Variants in LDLRAD4 observed in about 807,000 individuals in gnomAD.
LDLRAD4 encodes the protein low density lipoprotein receptor class A domain containing 4.
A neutral mutation model predicts 17.0 loss-of-function variants in LDLRAD4; 5 were observed. The ratio of observed to expected loss-of-function variants is 0.29; its 90% CI spans 0.15 to 0.62. The LOEUF is 0.62. LDLRAD4 is among the 20% of genes least tolerant of loss of function. The probability of loss-of-function intolerance (pLI) is 0.84; values close to 1 mark genes in which losing one functional copy is unlikely to be tolerated. For synonymous variants in LDLRAD4, 168 were observed against 171.8 expected (o/e 0.98, Z 0.17); for missense variants, 340 against 424.7 (o/e 0.80, Z 1.75).
At chr18:13,267,233 G>A (rs535013983) in intron 1 of LDLRAD4, among the ~76,000 whole-genome samples, 5 of 151,502 alleles carry the variant, frequency 3.3e-5, no homozygotes, top group Non-Finnish European at 5.9e-5. Context: ...TTTTTTTGCT[G>A]TGCACTTAAA....
chr18:13,276,669 T>C (rs115665586), upstream of LDLRAD4, among the ~76,000 whole-genome samples: 1,325 of 152,338 alleles, frequency 8.7e-3, 21 homozygotes, highest in African/African-American at 0.031. Context: ...GGCCCCATCA[T>C]GAGGTGGCAG....
intron 1 of LDLRAD4, among the ~76,000 whole-genome samples, chr18:13,237,612 G>A (rs935150527): frequency 3.9e-5 from 6 of 152,148 alleles, no homozygotes; most frequent in Non-Finnish European, 8.8e-5. Context: ...TCCTAGCTCG[G>A]TCTCCAAGTA....
chr18:13,349,866 G>A (rs918256686), intron 1 of LDLRAD4, among the ~76,000 whole-genome samples: 4 of 150,986 alleles, frequency 2.6e-5, no homozygotes, highest in Admixed American at 1.3e-4. Flanking sequence ...TCCCACTTAC[G>A]AGTGAGAACA....
intron 1 of LDLRAD4, among the ~76,000 whole-genome samples, chr18:13,344,956 G>T (rs1346851926): frequency 2.0e-5 from 3 of 152,126 alleles, no homozygotes; most frequent in African/African-American, 7.2e-5. Flanking sequence ...TGCTGCAGTT[G>T]CTTATCAGCT....
At chr18:13,643,544 A>G in intron 5 of LDLRAD4, 132 bp downstream of exon 6, 2 of 459,440 alleles carry the variant, frequency 4.4e-6, no homozygotes, top group Non-Finnish European at 7.4e-6. Flanking sequence ...GGAGGAAGGC[A>G]TTGCCTAGAA....
intron 1 of LDLRAD4, among the ~76,000 whole-genome samples, chr18:13,226,148 G>A (rs2041775062): frequency 7.6e-6 from 1 of 131,396 alleles, no homozygotes; most frequent in African/African-American, 2.8e-5. Flanking sequence ...AGCCTCCTAA[G>A]TATCTGGGAC....
rs533024473 is a variant in LDLRAD4, at chr18:13,621,790, G to T, written c.336+519G>T. ...GGAGCTTCCTGGGGATCGGCGGTGGGGTTGTTGGCGGTGGGCTTGTCAGCG... is the reference window on the plus strand; with the variant it reads ...GGAGCTTCCTGGGGATCGGCGGTGGTGTTGTTGGCGGTGGGCTTGTCAGCG... On this transcript the variant is annotated intron_variant, in intron 4 of 5. Transcript: ENST00000359446. The surrounding 1 kb of genome is among the most constrained non-coding windows in gnomAD (Gnocchi z 5.5). Among the ~76,000 whole-genome samples the T allele has an allele frequency of 6.6e-6, 1 of 152,178 alleles. No individual in the cohort carries two copies. The highest frequency in any genetic ancestry group is 1.9e-4 in the East Asian group (1 of 5,172).
chr18:13,585,009 C>T (rs966184713), intron 3 of LDLRAD4, among the ~76,000 whole-genome samples: 1 of 152,228 alleles, frequency 6.6e-6, no homozygotes. Flanking sequence ...TTATCTTACA[C>T]GCGTCTGAGC....
chr18:13,507,321 C>T (rs1242556963), intron 3 of LDLRAD4, among the ~76,000 whole-genome samples: 1 of 152,150 alleles, frequency 6.6e-6, no homozygotes, highest in Non-Finnish European at 1.5e-5. Flanking sequence ...TTACCCTCCT[C>T]CCAACTTCCC....
intron 3 of LDLRAD4, among the ~76,000 whole-genome samples, chr18:13,583,406 G>A (rs1371552259): frequency 1.3e-5 from 2 of 152,116 alleles, no homozygotes; most frequent in Non-Finnish European, 2.9e-5. Flanking sequence ...TTTTGTTACC[G>A]AGACCTAGGG....
At chr18:13,317,532 A>T (rs1422080685) in intron 1 of LDLRAD4, among the ~76,000 whole-genome samples, 1 of 152,246 alleles carries the variant, frequency 6.6e-6, no homozygotes. Flanking sequence ...TTTTTAATAA[A>T]TTGAACAATT....
chr18:13,567,399 A>G (rs1029714248), intron 3 of LDLRAD4, among the ~76,000 whole-genome samples: 2 of 152,208 alleles, frequency 1.3e-5, no homozygotes, highest in Admixed American at 1.3e-4. Context: ...GCTCGGCTTC[A>G]GTTCCTGAGG....
intron 1 of LDLRAD4, among the ~76,000 whole-genome samples, chr18:13,296,773 C>T (rs973146275): frequency 3.9e-5 from 6 of 152,128 alleles, no homozygotes; most frequent in Non-Finnish European, 8.8e-5. Context: ...TCCATTCTGC[C>T]ACTATTTTCA....
At chr18:13,442,507 G>A (rs982804950) in intron 3 of LDLRAD4, among the ~76,000 whole-genome samples, 2 of 152,222 alleles carry the variant, frequency 1.3e-5, no homozygotes, top group South Asian at 2.1e-4. Context: ...GCTGGGGCCC[G>A]CGTGGGGCAC....
At chr18:13,319,654 G>A (rs1461686738) in intron 1 of LDLRAD4, among the ~76,000 whole-genome samples, 1 of 152,148 alleles carries the variant, frequency 6.6e-6, no homozygotes, top group African/African-American at 2.4e-5. Flanking sequence ...GGTAGTAATA[G>A]CAGTTCTCCT....
At chr18:13,519,348 G>A (rs1430717568) in intron 3 of LDLRAD4, among the ~76,000 whole-genome samples, 2 of 152,128 alleles carry the variant, frequency 1.3e-5, no homozygotes, top group Admixed American at 1.3e-4. Context: ...CTGGTGTTCC[G>A]GAGGGAGCCG....
intron 1 of LDLRAD4, among the ~76,000 whole-genome samples, chr18:13,336,890 C>G (rs915068728): frequency 2.0e-5 from 3 of 152,160 alleles, no homozygotes; most frequent in African/African-American, 7.2e-5. Flanking sequence ...TAGCAACATT[C>G]TAGGGAGTAT....
At position 13,557,550 on chromosome 18, in the gene LDLRAD4, G is replaced by A. The variant is rs111715596; in HGVS notation, c.182-63567G>A. On this transcript the variant is annotated intron_variant, in intron 3 of 5. Transcript: ENST00000359446. ...CAAGTAGCTGGGACTACAGGCATGC[G>A]CTACCACACCCGGCTAATTTTTTAT... Among the ~76,000 whole-genome samples, 523 of 152,240 alleles carry A rather than the reference G, an allele frequency of 3.4e-3. 3 individuals carry two copies. Among genetic ancestry groups the A allele is most frequent in the South Asian group, 4.8e-3 (23 of 4,812 alleles).
intron 1 of LDLRAD4, among the ~76,000 whole-genome samples, chr18:13,377,193 C>T (rs1282175648): frequency 6.6e-6 from 1 of 152,244 alleles, no homozygotes; most frequent in East Asian, 1.9e-4. Flanking sequence ...CTGCCGGTAA[C>T]ATCAACGCCA....
Sources: allele counts gnomAD v4.1 joint callset (sites outside exome capture counted in the v4.1 genomes callset), GRCh38; gene constraint gnomAD v4.1.1; non-coding constraint Gnocchi (gnomAD v3.1); transcripts MANE v1.5; gene names NCBI Gene and HGNC (gene_info 2026-07-23, HGNC 2026-07-21).